PDCD10: variants seen among roughly 807,000 people sequenced by gnomAD.
PDCD10 encodes the protein programmed cell death protein 10.
Under a neutral mutation model 29.2 loss-of-function variants are expected in PDCD10, and 4 were observed. That is an observed-to-expected ratio of 0.14 (90% CI 0.07 to 0.31). The LOEUF (loss-of-function observed/expected upper bound fraction) is 0.31. PDCD10 is among the 10% of genes least tolerant of loss of function. The pLI is 1.00. For missense variants in PDCD10, 183 were observed against 257.9 expected (o/e 0.71, Z 1.99); for synonymous variants, 70 against 82.2 (o/e 0.85, Z 0.80).
At chr3:167,684,420 T>G in intron 8 of PDCD10, 31 bp from the exon 9 acceptor site, 1 of 1,343,962 alleles carries the variant, frequency 7.4e-7, no homozygotes, top group South Asian at 1.2e-5. Flanking sequence ...AAGCATTAAT[T>G]TCATCCAAAA....
chr3:167,699,050 C>G (rs921028956), intron 4 of PDCD10, among the ~76,000 whole-genome samples: 3 of 152,134 alleles, frequency 2.0e-5, no homozygotes, highest in African/African-American at 7.2e-5. Context: ...AAATAATACA[C>G]ATAAATTGAA....
chr3:167,724,352 C>T (rs1258277652), intron 2 of PDCD10, among the ~76,000 whole-genome samples: 1 of 152,138 alleles, frequency 6.6e-6, no homozygotes, highest in Non-Finnish European at 1.5e-5. Context: ...CCTCTTGGCC[C>T]TAAATTCTTA....
At chr3:167,698,829 G>C (rs1380800241) in intron 4 of PDCD10, among the ~76,000 whole-genome samples, 1 of 152,058 alleles carries the variant, frequency 6.6e-6, no homozygotes, top group Admixed American at 6.6e-5. Context: ...TTAAAATGCT[G>C]AAAGTCTGAG....
chr3:167,683,843 A>G lies in PDCD10; in HGVS notation c.*465T>C, dbSNP rs910887183. 4.8e-5 allele frequency: 2 copies of G among 41,292 alleles called. No homozygotes were observed. The highest frequency in any genetic ancestry group is 8.9e-5 in the Non-Finnish European group (2 of 22,434). 2.6% of individuals were successfully genotyped at this position (41,292 alleles called of 1,614,324 possible). A position where few individuals can be genotyped will look rare whatever the true frequency, so the allele number is the denominator to read the frequency against. On this transcript the variant is annotated 3_prime_UTR_variant, in exon 9 of 9. Coordinates refer to ENST00000392750, the MANE Select transcript of PDCD10 (RefSeq NM_007217.4). ...CAAGTTGTCTTGGTCTTCTGTTCATATATATATATATATATATATATATAC... is the reference window on the plus strand; with the variant it reads ...CAAGTTGTCTTGGTCTTCTGTTCATGTATATATATATATATATATATATAC...
At chr3:167,727,834 T>C (rs1214867919) in intron 2 of PDCD10, among the ~76,000 whole-genome samples, 1 of 152,256 alleles carries the variant, frequency 6.6e-6, no homozygotes, top group Non-Finnish European at 1.5e-5. Flanking sequence ...TTCATTACTT[T>C]ACACAATTTC....
chr3:167,691,100 T>C (rs1720184240), intron 6 of PDCD10, among the ~76,000 whole-genome samples: 1 of 152,178 alleles, frequency 6.6e-6, no homozygotes, highest in African/African-American at 2.4e-5. Flanking sequence ...AAGTAAAATA[T>C]TGGAGAAACG....
chr3:167,728,410 G>A (rs1724444143), intron 2 of PDCD10, among the ~76,000 whole-genome samples: 2 of 152,184 alleles, frequency 1.3e-5, no homozygotes, highest in Admixed American at 1.3e-4. Context: ...CAGCCGGTGT[G>A]TAACATCTTA....
chr3:167,689,545 T>A (rs1719989008), intron 6 of PDCD10, among the ~76,000 whole-genome samples: 1 of 151,866 alleles, frequency 6.6e-6, no homozygotes, highest in South Asian at 2.1e-4. Flanking sequence ...GTCAAAAGAG[T>A]GGGTCTGAAA....
rs61702773 is a variant in PDCD10 at position 167,700,350 on chromosome 3, G to C, written c.151-3224C>G. Among the ~76,000 whole-genome samples the C allele has an allele frequency of 7.8e-3, 1,183 of 152,102 alleles. 81 individuals carry two copies. In the East Asian group the frequency reaches 0.17, roughly 21 times the overall value. On this transcript the variant is annotated intron_variant, in intron 4 of 8. Transcript: ENST00000392750. ...TGTTTAGTGCAATACTTTAAACATG[G>C]GATAATACCATGGGACCCGACAAAG...
intron 1 of PDCD10, 84 bp downstream of exon 1, chr3:167,734,578 C>T (rs1018011917): frequency 3.9e-5 from 6 of 152,506 alleles, no homozygotes; most frequent in African/African-American, 1.4e-4. Flanking sequence ...CTAGAGGAGA[C>T]TTCCTGGAGG....
chr3:167,720,129 T>C lies in PDCD10; in HGVS notation c.29A>G (p.Asn10Ser). Residue 10 changes from asparagine (N) to serine (S), a missense_variant, in exon 3 of 9, where the codon AAT (asparagine) becomes AGT (serine). Transcript: ENST00000392750. ...AACCATGGATGTGGTCTCAGCTTCA[T>C]TCTTCATCTCTTCCATTGTCATCCT... The part of the protein sequence containing the change: MRMTMEEMK[N>S]EAETTSMVSM... 6.2e-7 allele frequency: 1 copy of C among 1,612,350 alleles called. No individual in the cohort carries two copies. Among genetic ancestry groups the C allele is most frequent in the Non-Finnish European group, 8.5e-7 (1 of 1,178,634 alleles).
chr3:167,702,322 T>C (rs1367608514), intron 4 of PDCD10, among the ~76,000 whole-genome samples: 1 of 152,202 alleles, frequency 6.6e-6, no homozygotes, highest in Admixed American at 6.5e-5. Flanking sequence ...GCAGACCTTA[T>C]GATGATCCAC....
At chr3:167,689,808 G>A (rs574793323) in intron 6 of PDCD10, among the ~76,000 whole-genome samples, 29 of 152,260 alleles carry the variant, frequency 1.9e-4, no homozygotes, top group Admixed American at 2.6e-4. Flanking sequence ...GTTTGGACAC[G>A]AGGCAAAAGA....
In PDCD10 at chr3:167,683,803, T is replaced by G. The variant is rs1487788719; in HGVS notation, c.*505A>C. On this transcript the variant is annotated 3_prime_UTR_variant, in exon 9 of 9. Coordinates refer to ENST00000392750, the MANE Select transcript of PDCD10 (RefSeq NM_007217.4). ...TGCTGATAAGCTCCCATTAGAAGTTTTTTAGACATTACACCAAGTTGTCTT... is the reference window on the plus strand; with the variant it reads ...TGCTGATAAGCTCCCATTAGAAGTTGTTTAGACATTACACCAAGTTGTCTT... 1 of 149,684 alleles carries G rather than the reference T, an allele frequency of 6.7e-6. No individual in the cohort carries two copies. Among genetic ancestry groups the G allele is most frequent in the Non-Finnish European group, 1.5e-5 (1 of 67,466 alleles). The allele number at this position is 149,684 out of a possible 1,614,324, so 9.3% of individuals were successfully genotyped here.
At chr3:167,706,749 A>G (rs1408307203) in intron 3 of PDCD10, among the ~76,000 whole-genome samples, 1 of 152,188 alleles carries the variant, frequency 6.6e-6, no homozygotes, top group Non-Finnish European at 1.5e-5. Flanking sequence ...CTCATATGGT[A>G]TTGATATATT....
At chr3:167,715,768 C>T (rs140882360) in intron 3 of PDCD10, among the ~76,000 whole-genome samples, 127 of 152,016 alleles carry the variant, frequency 8.4e-4, no homozygotes, top group African/African-American at 2.8e-3. Context: ...ATAACAAATG[C>T]TGGTAAGGAT....
rs749965663 is a variant in PDCD10 at position 167,687,698 on chromosome 3, T to C, written c.396-5A>G. 2.0e-6 allele frequency: 3 copies of C among 1,477,536 alleles called. No individual in the cohort carries two copies. In the Admixed American group the frequency reaches 5.0e-5, roughly 25 times the overall value. The allele number at this position is 1,477,536 out of a possible 1,614,324, so 91.5% of individuals were successfully genotyped here. ...TTTATTGCACTAGCTATATCCCTGT[T>C]GGGAAAAGAATAAAGAATATCAGCT... On this transcript the variant is annotated splice_polypyrimidine_tract_variant and splice_region_variant and intron_variant, in intron 6 of 8. Transcript: ENST00000392750.
At chr3:167,706,320 T>C (rs529489092) in intron 3 of PDCD10, among the ~76,000 whole-genome samples, 2 of 152,340 alleles carry the variant, frequency 1.3e-5, no homozygotes, top group East Asian at 3.9e-4. Flanking sequence ...GGAGATACAC[T>C]GTAGTCATGC....
At chr3:167,710,475 A>G in intron 3 of PDCD10, among the ~76,000 whole-genome samples, 1 of 152,108 alleles carries the variant, frequency 6.6e-6, no homozygotes, top group Non-Finnish European at 1.5e-5. Context: ...GCCTGTAGAA[A>G]GGAGAGAGAA....
Sources: gnomAD v4.1 joint callset for allele counts (sites outside exome capture counted in the v4.1 genomes callset) on GRCh38, gnomAD v4.1.1 for gene constraint, MANE v1.5 for transcripts, NCBI Gene and HGNC (gene_info 2026-07-23, HGNC 2026-07-21) for gene names.